Variants in BTBD16 observed in about 807,000 individuals in gnomAD.
BTBD16 encodes BTB/POZ domain-containing protein 16.
A neutral mutation model predicts 67.4 loss-of-function variants in BTBD16; 66 were observed. The ratio of observed to expected loss-of-function variants is 0.98; its 90% CI spans 0.80 to 1.20. BTBD16 has a LOEUF of 1.20. Ranked by LOEUF, BTBD16 falls within the 50% of genes most tolerant of loss-of-function variation. The probability of loss-of-function intolerance (pLI) is 0.00; values close to 1 mark genes in which losing one functional copy is unlikely to be tolerated. For synonymous variants in BTBD16, 242 were observed against 236.4 expected (o/e 1.02, Z -0.22); for missense variants, 634 against 616.0 (o/e 1.03, Z -0.31).
chr10:122,305,418 T>A (rs1183779298), intron 9 of BTBD16, among the ~76,000 whole-genome samples: 1 of 152,200 alleles, frequency 6.6e-6, no homozygotes, highest in Non-Finnish European at 1.5e-5. Flanking sequence ...CTTGGTGCTG[T>A]TCTCCTGATA....
chr10:122,323,151 G>A (rs2142120841), intron 10 of BTBD16, among the ~76,000 whole-genome samples: 1 of 152,272 alleles, frequency 6.6e-6, no homozygotes, highest in Non-Finnish European at 1.5e-5. Flanking sequence ...TGCATGTCAG[G>A]TACACAGTGT....
intron 10 of BTBD16, among the ~76,000 whole-genome samples, chr10:122,325,293 TACA>T (rs1177873599): frequency 1.3e-5 from 2 of 151,894 alleles, no homozygotes; most frequent in African/African-American, 2.4e-5. Flanking sequence ...ACACCAAGAG[TACA>T]ACAATAAACA....
chr10:122,298,042 A>G (rs766038897), intron 8 of BTBD16, among the ~76,000 whole-genome samples: 1 of 152,162 alleles, frequency 6.6e-6, no homozygotes, highest in Non-Finnish European at 1.5e-5. Context: ...TTTAACACCA[A>G]AAAAATAGAA....
chr10:122,308,214 T>TA (rs534992084), intron 10 of BTBD16, among the ~76,000 whole-genome samples: 245 of 152,280 alleles, frequency 1.6e-3, no homozygotes, highest in Non-Finnish European at 2.6e-3. Flanking sequence ...GCTGTGTTTT[T>TA]AATATGGAAG....
chr10:122,289,679 A>C (rs2096370165), intron 5 of BTBD16, among the ~76,000 whole-genome samples: 1 of 152,196 alleles, frequency 6.6e-6, no homozygotes, highest in Admixed American at 6.5e-5. Context: ...CAGAGGTTGC[A>C]GTGAGCCTAG....
Position 122,291,169 on chromosome 10 carries a change from C to G in BTBD16, c.565C>G (p.Leu189Val). Reference sequence around the variant, plus strand: ...GGGAGTGCTGGCTTCCGCCCACATCCTCCAGTTCAGTGGCCTGTTTCAAAG... The same window carrying G: ...GGGAGTGCTGGCTTCCGCCCACATCGTCCAGTTCAGTGGCCTGTTTCAAAG... ...LLGVLASAHI[L>V]QFSGLFQRCV... The change falls in exon 7 of 16, where the codon CTC becomes GTC. Residue 189 changes from leucine (L) to valine (V), a missense_variant. Transcript: ENST00000260723. 6.2e-7 allele frequency: 1 copy of G among 1,613,680 alleles called. No individual in the cohort carries two copies. The highest frequency in any genetic ancestry group is 8.5e-7 in the Non-Finnish European group (1 of 1,179,822).
chr10:122,307,059 T>C (rs762513829), intron 9 of BTBD16, 130 bp from the exon 10 acceptor site: 99 of 1,019,186 alleles, frequency 9.7e-5, no homozygotes, highest in Admixed American at 2.9e-5. Flanking sequence ...ACCTGCTTGA[T>C]GTCTGAGGCT....
chr10:122,337,523 G>A (rs1270297720), intron 15 of BTBD16, among the ~76,000 whole-genome samples: 3 of 152,146 alleles, frequency 2.0e-5, no homozygotes, highest in African/African-American at 7.2e-5. Context: ...GGAGTGCAGT[G>A]GCACAATCTC....
At chr10:122,314,511 A>G (rs2096420370) in intron 10 of BTBD16, among the ~76,000 whole-genome samples, 1 of 152,228 alleles carries the variant, frequency 6.6e-6, no homozygotes, top group Admixed American at 6.5e-5. Context: ...CTCAAAAAAA[A>G]TTAAAAATAA....
chr10:122,311,415 C>T (rs2096413481), intron 10 of BTBD16, among the ~76,000 whole-genome samples: 1 of 152,158 alleles, frequency 6.6e-6, no homozygotes, highest in Non-Finnish European at 1.5e-5. Context: ...CACTCTACAG[C>T]CTGTTTTTCT....
rs954804088 is a variant in BTBD16, at chr10:122,280,590, T to C, written c.168-3261T>C. On this transcript the variant is annotated intron_variant, in intron 3 of 15. Transcript: ENST00000260723. ...TATATTATATTATATTATATTGTATTATATTATATTATTTTATTTTATTTA... is the reference window on the plus strand; with the variant it reads ...TATATTATATTATATTATATTGTATCATATTATATTATTTTATTTTATTTA... Among the ~76,000 whole-genome samples, 2 of 149,122 alleles carry C rather than the reference T, an allele frequency of 1.3e-5. 1 individual carries two copies. Among genetic ancestry groups the C allele is most frequent in the Admixed American group, 1.3e-4 (2 of 14,912 alleles).
chr10:122,285,806 C>T (rs1241645050), intron 4 of BTBD16, among the ~76,000 whole-genome samples: 3 of 152,168 alleles, frequency 2.0e-5, no homozygotes, highest in African/African-American at 7.2e-5. Flanking sequence ...TCCTCATTCC[C>T]CACATTGGAG....
chr10:122,306,269 G>A (rs1201581775), intron 9 of BTBD16, among the ~76,000 whole-genome samples: 1 of 152,200 alleles, frequency 6.6e-6, no homozygotes. Context: ...GCCTCTAGAA[G>A]GAACACAGCT....
At position 122,336,511 on chromosome 10, in the gene BTBD16, C is replaced by T; in HGVS notation, c.1281C>T (p.Asp427=). Residue 427 remains aspartate, a synonymous_variant, in exon 15 of 16, where the codon GAC becomes GAT. Transcript: ENST00000260723. ...SFYMQRIKHT[D]LESPSAVYEH... ...CTTTGCAGAGAATAAAGCACACAGACCTGGAATCTCCCTCTGCGGTCTACG... is the reference window on the plus strand; with the variant it reads ...CTTTGCAGAGAATAAAGCACACAGATCTGGAATCTCCCTCTGCGGTCTACG... 1.2e-6 allele frequency: 2 copies of T among 1,608,550 alleles called. No homozygotes were observed. The highest frequency in any genetic ancestry group is 1.1e-5 in the South Asian group (1 of 90,386).
intron 6 of BTBD16, among the ~76,000 whole-genome samples, chr10:122,290,859 C>T (rs948518082): frequency 6.6e-6 from 1 of 152,218 alleles, no homozygotes; most frequent in Non-Finnish European, 1.5e-5. Flanking sequence ...AGGATCCTTT[C>T]AGCAGAAGCT....
At chr10:122,334,200 T>TATTTTTTA (rs59459379) in intron 13 of BTBD16, among the ~76,000 whole-genome samples, 2 of 149,506 alleles carry the variant, frequency 1.3e-5, no homozygotes, top group African/African-American at 4.9e-5. Flanking sequence ...TTGACTTTTT[T>TATTTTTTA]TTTTTTTTTT....
Position 122,286,210 on chromosome 10 carries a change from C to T in BTBD16, c.347C>T (p.Thr116Ile), listed in dbSNP as rs1260524875. Residue 116 changes from threonine to isoleucine, a missense_variant, in exon 5 of 16, where the codon ACC (threonine) becomes ATC (isoleucine). Thr to Ile is a moderately conservative substitution (Grantham distance 89). Transcript: ENST00000260723. The part of the protein sequence containing the change: ...KLYLKALAQG[T>I]THPLRELEEL... ...TACCTGAAAGCCCTGGCGCAGGGCA[C>T]CACACACCCCCTGAGGGAGCTGGAG... 5 of 1,613,452 alleles carry T rather than the reference C, an allele frequency of 3.1e-6. No individual in the cohort carries two copies. The highest frequency in any genetic ancestry group is 1.3e-5 in the African/African-American group (1 of 74,916).
chr10:122,325,396 C>T (rs576106026), intron 10 of BTBD16, among the ~76,000 whole-genome samples: 32 of 152,248 alleles, frequency 2.1e-4, no homozygotes, highest in South Asian at 4.2e-4. Context: ...AAGTCAGCCC[C>T]GAGTCTCAGC....
At position 122,331,218 on chromosome 10, in the gene BTBD16, A is replaced by C; in HGVS notation, c.1046A>C (p.Glu349Ala). The part of the protein sequence containing the change: ...EVLRHLNFFP[E>A]SWLDQVTVNH... Reference sequence around the variant, plus strand: ...CTGCGGCACCTTAACTTCTTCCCAGAGTCATGGCTCGACCAGGTTACAGTC... The same window carrying C: ...CTGCGGCACCTTAACTTCTTCCCAGCGTCATGGCTCGACCAGGTTACAGTC... Residue 349 changes from glutamate (E) to alanine (A), a missense_variant, in exon 12 of 16, where the codon GAG becomes GCG. By Grantham distance (107) the Glu-to-Ala change is moderately radical (BLOSUM62 -1). Transcript: ENST00000260723. 6.2e-7 allele frequency: 1 copy of C among 1,613,666 alleles called. No homozygotes were observed. Among genetic ancestry groups the C allele is most frequent in the Non-Finnish European group, 8.5e-7 (1 of 1,179,860 alleles).
Sources: gnomAD v4.1 joint callset for allele counts (sites outside exome capture counted in the v4.1 genomes callset) on GRCh38, gnomAD v4.1.1 for gene constraint, MANE v1.5 for transcripts, NCBI Gene and HGNC (gene_info 2026-07-23, HGNC 2026-07-21) for gene names.